Variants in EIF2AK4 observed in about 807,000 individuals in gnomAD.
EIF2AK4 encodes eukaryotic translation initiation factor 2 alpha kinase 4.
Under a neutral mutation model 211.1 loss-of-function variants are expected in EIF2AK4, and 139 were observed. The observed-to-expected ratio is 0.66, with a 90% confidence interval of 0.57 to 0.76. The LOEUF (loss-of-function observed/expected upper bound fraction) is 0.76. Ranked by LOEUF, EIF2AK4 falls within the 30% of genes least tolerant of loss-of-function variation. EIF2AK4 has a pLI of 0.00. For synonymous variants in EIF2AK4, 710 were observed against 751.3 expected (o/e 0.94, Z 0.90); for missense variants, 1,664 against 2,043.8 (o/e 0.81, Z 3.58).
intron 32 of EIF2AK4, among the ~76,000 whole-genome samples, chr15:40,025,350 TTTGAGAAAAATTA>T (rs2035452761): frequency 6.6e-6 from 1 of 152,164 alleles, no homozygotes; most frequent in Non-Finnish European, 1.5e-5. Context: ...CAAAGTTGTG[TTTGAGAAAAATTA>T]ATCTGCAGGG....
At chr15:40,012,802 G>A (rs907845526) in intron 27 of EIF2AK4, among the ~76,000 whole-genome samples, 2 of 152,234 alleles carry the variant, frequency 1.3e-5, no homozygotes, top group African/African-American at 4.8e-5. Flanking sequence ...AATTAGACGT[G>A]TCTGATTCAG....
chr15:39,979,142 G>A (rs562383055), intron 13 of EIF2AK4, among the ~76,000 whole-genome samples: 1 of 152,268 alleles, frequency 6.6e-6, no homozygotes, highest in South Asian at 2.1e-4. Flanking sequence ...CATCTTTTTT[G>A]TTAGGTGGTG....
intron 3 of EIF2AK4, among the ~76,000 whole-genome samples, chr15:39,945,054 T>C (rs1418769891): frequency 1.3e-5 from 2 of 152,216 alleles, no homozygotes; most frequent in Non-Finnish European, 2.9e-5. Context: ...GGGATTCCAG[T>C]GTCTAACTGA....
chr15:39,976,598 C>CA lies in EIF2AK4; in HGVS notation c.2003_2004insA (p.Pro669AlafsTer11). The CA allele has an allele frequency of 6.2e-7, 1 of 1,608,992 alleles. No individual in the cohort carries two copies. The highest frequency in any genetic ancestry group is 8.5e-7 in the Non-Finnish European group (1 of 1,178,268). On this transcript the variant is annotated frameshift_variant, in exon 12 of 39. Transcript: ENST00000263791. LOFTEE classifies it high-confidence loss of function. ...GAGCGGCCGGCGGGACCGGGGACGC[C>CA]GCCCCCGGACTCCGGGCCCCTGGCC...
chr15:40,027,033 A>T (rs1234986988), intron 33 of EIF2AK4, among the ~76,000 whole-genome samples: 1 of 152,254 alleles, frequency 6.6e-6, no homozygotes, highest in Non-Finnish European at 1.5e-5. Flanking sequence ...ATATCTATAA[A>T]TATTAAAACA....
intron 14 of EIF2AK4, 71 bp downstream of exon 14, chr15:39,985,959 T>G: frequency 7.3e-7 from 1 of 1,369,210 alleles, no homozygotes; most frequent in Non-Finnish European, 1.0e-6. Context: ...TTTCAGGGTA[T>G]TAGAACAAGA....
In EIF2AK4 at chr15:39,934,270, C is replaced by T. The variant is rs374991853; in HGVS notation, c.75C>T (p.His25=). The T allele has an allele frequency of 5.1e-5, 82 of 1,611,614 alleles. No individual in the cohort carries two copies. In the African/African-American group the frequency reaches 9.5e-4, roughly 19 times the overall value. The change falls in exon 1 of 39, where the codon CAC becomes CAT. Residue 25 remains histidine, a synonymous_variant. Transcript: ENST00000263791. The part of the protein sequence containing the change: ...PPESYPQRQD[H]ELQALEAIYG... The stretch of plus-strand genomic sequence containing the variant: ...AGAGCTACCCGCAACGACAGGACCA[C>T]GAGCTACAGGCCCTGGAGGCCATTT...
At position 40,034,213 on chromosome 15, in the gene EIF2AK4, C is replaced by G. The variant is rs1430996593; in HGVS notation, c.4774-113C>G. On this transcript the variant is annotated intron_variant, in intron 37 of 38. Coordinates refer to ENST00000263791, the MANE Select transcript of EIF2AK4 (RefSeq NM_001013703.4). Reference sequence around the variant, plus strand: ...TTCTGCTATCTCCCTATTACTGATTCTCCTGGTATACTTGAAGAGGGAAAT... The same window carrying G: ...TTCTGCTATCTCCCTATTACTGATTGTCCTGGTATACTTGAAGAGGGAAAT... The G allele has an allele frequency of 5.4e-5, 42 of 784,828 alleles. 1 individual carries two copies. Among genetic ancestry groups the G allele is most frequent in the South Asian group, 2.0e-4 (12 of 61,026 alleles). The allele number at this position is 784,828 out of a possible 1,614,324, so 48.6% of individuals were successfully genotyped here.
At position 40,035,184 on chromosome 15, in the gene EIF2AK4, A is replaced by G; in HGVS notation, c.*100A>G. ...TCATAATTTAAAATTAAATTCTAAGAAGAGGCTGGGTGCAGTGGCTCACAC... is the reference window on the plus strand; with the variant it reads ...TCATAATTTAAAATTAAATTCTAAGGAGAGGCTGGGTGCAGTGGCTCACAC... On this transcript the variant is annotated 3_prime_UTR_variant, in exon 39 of 39. Transcript: ENST00000263791. 9.7e-7 allele frequency: 1 copy of G among 1,031,764 alleles called. No homozygotes were observed. Among genetic ancestry groups the G allele is most frequent in the Non-Finnish European group, 1.3e-6 (1 of 746,874 alleles). 63.9% of individuals were successfully genotyped at this position (1,031,764 alleles called of 1,614,324 possible).
intron 4 of EIF2AK4, among the ~76,000 whole-genome samples, chr15:39,950,602 A>AAAAAG (rs1318713135): frequency 6.6e-6 from 1 of 152,052 alleles, no homozygotes; most frequent in African/African-American, 2.4e-5. Flanking sequence ...AAAAAAAAAA[A>AAAAAG]AAAAGAAAAG....
chr15:39,934,127 C>T lies in EIF2AK4; in HGVS notation c.-69C>T. The T allele has an allele frequency of 8.2e-7, 1 of 1,216,300 alleles. No homozygotes were observed. Among genetic ancestry groups the T allele is most frequent in the Non-Finnish European group, 1.0e-6 (1 of 978,440 alleles). 75.3% of individuals were successfully genotyped at this position (1,216,300 alleles called of 1,614,324 possible). ...ATAGCCCGTCCCCAGCGCGGAGCCC[C>T]GCCCCGCAGGCTGCCGGGGGCCCAC... On this transcript the variant is annotated 5_prime_UTR_variant, in exon 1 of 39. Coordinates refer to ENST00000263791, the MANE Select transcript of EIF2AK4 (RefSeq NM_001013703.4).
Position 39,953,922 on chromosome 15 carries a change from G to C in EIF2AK4, c.532G>C (p.Glu178Gln), listed in dbSNP as rs1328295586. ...ATTTCAGCAACGTGAAATCCTGCAT[G>C]AGATTCAGAGAAGGAAAGAAGAGAT... is the stretch of plus-strand genomic sequence containing the variant. The part of the protein sequence containing the change: ...EEQEQREILH[E>Q]IQRRKEEIKE... The change falls in exon 5 of 39, where the codon GAG becomes CAG. Residue 178 changes from glutamate to glutamine, a missense_variant. Transcript: ENST00000263791. 1 of 1,611,684 alleles carries C rather than the reference G, an allele frequency of 6.2e-7. No individual in the cohort carries two copies. The highest frequency in any genetic ancestry group is 2.2e-5 in the East Asian group (1 of 44,828).
chr15:39,942,717 G>A (rs890133762), intron 2 of EIF2AK4, among the ~76,000 whole-genome samples: 1 of 152,182 alleles, frequency 6.6e-6, no homozygotes, highest in East Asian at 1.9e-4. Context: ...AGGCAGAGGT[G>A]CAGAGAGTGT....
At chr15:39,935,959 T>C (rs907205349) in intron 1 of EIF2AK4, among the ~76,000 whole-genome samples, 1 of 152,134 alleles carries the variant, frequency 6.6e-6, no homozygotes, top group East Asian at 1.9e-4. Context: ...TTCCCAAACC[T>C]TGAGAATCAG....
intron 27 of EIF2AK4, among the ~76,000 whole-genome samples, chr15:40,014,761 G>C (rs1458229171): frequency 6.6e-6 from 1 of 152,180 alleles, no homozygotes; most frequent in Non-Finnish European, 1.5e-5. Context: ...TTTCCTCAGA[G>C]AATGGGGTTT....
chr15:39,973,029 T>C lies in EIF2AK4; in HGVS notation c.1660+15T>C, dbSNP rs1359779505. The C allele has an allele frequency of 1.3e-6, 2 of 1,595,672 alleles. No individual in the cohort carries two copies. Among genetic ancestry groups the C allele is most frequent in the Non-Finnish European group, 1.7e-6 (2 of 1,163,366 alleles). On this transcript the variant is annotated intron_variant, in intron 10 of 38. Transcript: ENST00000263791. ...AAGTCCTGAAGGTGAGTCTGTTACC[T>C]TTCTTTATTTGGTAACCTGTTTGAC...
chr15:39,945,308 A>G (rs888348300), intron 3 of EIF2AK4, among the ~76,000 whole-genome samples: 1 of 152,016 alleles, frequency 6.6e-6, no homozygotes, highest in African/African-American at 2.4e-5. Flanking sequence ...TGAGATAATT[A>G]TATATTTATA....
chr15:39,990,400 T>C (rs749980954), intron 16 of EIF2AK4, 23 bp downstream of exon 16: 1 of 1,594,466 alleles, frequency 6.3e-7, no homozygotes, highest in East Asian at 2.2e-5. Flanking sequence ...AAAATTAGAC[T>C]GTACCTAAAA....
At chr15:39,948,772 T>C (rs1371439647) in intron 3 of EIF2AK4, among the ~76,000 whole-genome samples, 4 of 152,222 alleles carry the variant, frequency 2.6e-5, no homozygotes, top group Admixed American at 2.6e-4. Context: ...TTTCATGCAG[T>C]CTTAAATGTT....
Sources: gnomAD v4.1 joint callset for allele counts (sites outside exome capture counted in the v4.1 genomes callset) on GRCh38, gnomAD v4.1.1 for gene constraint, MANE v1.5 for transcripts, NCBI Gene and HGNC (gene_info 2026-07-23, HGNC 2026-07-21) for gene names.